RNF2: variants seen among roughly 807,000 people sequenced by gnomAD.
RNF2 encodes the protein E3 ubiquitin-protein ligase RING2.
RNF2 carries 6 observed loss-of-function variants against 37.2 expected under a neutral mutation model. The ratio of observed to expected loss-of-function variants is 0.16; its 90% CI spans 0.09 to 0.32. RNF2 has a LOEUF of 0.32. Among genes scored for constraint, RNF2 ranks in the 10% least tolerant of loss-of-function variants. The pLI is 1.00. For missense variants in RNF2, 251 were observed against 404.0 expected (o/e 0.62, Z 3.25); for synonymous variants, 133 against 132.7 (o/e 1.00, Z -0.02).
intron 1 of RNF2, among the ~76,000 whole-genome samples, chr1:185,085,229 A>G (rs1651551795): frequency 7.0e-6 from 1 of 142,868 alleles, no homozygotes; most frequent in African/African-American, 2.6e-5. Flanking sequence ...GCTCACTGCA[A>G]GCTCCGCCTC....
intron 1 of RNF2, among the ~76,000 whole-genome samples, chr1:185,077,528 T>C (rs1238618124): frequency 6.6e-6 from 1 of 152,182 alleles, no homozygotes; most frequent in Non-Finnish European, 1.5e-5. Context: ...ATAGTTTATT[T>C]ATTGGTACAG....
At chr1:185,075,380 T>G (rs1047450154) in intron 1 of RNF2, among the ~76,000 whole-genome samples, 1 of 152,252 alleles carries the variant, frequency 6.6e-6, no homozygotes, top group African/African-American at 2.4e-5. Context: ...ACATTCCTTA[T>G]GCGAAATACT....
intron 5 of RNF2, among the ~76,000 whole-genome samples, chr1:185,099,503 G>A (rs1049406073): frequency 6.6e-6 from 1 of 152,116 alleles, no homozygotes; most frequent in African/African-American, 2.4e-5. Context: ...AGTACTTTGT[G>A]TATTTCTGTT....
intron 1 of RNF2, among the ~76,000 whole-genome samples, chr1:185,073,882 G>A (rs1478707734): frequency 1.3e-5 from 2 of 152,124 alleles, no homozygotes; most frequent in Non-Finnish European, 1.5e-5. Flanking sequence ...CAGTTCAGTG[G>A]TTACGCTACT....
At chr1:185,077,819 A>C (rs866990462) in intron 1 of RNF2, among the ~76,000 whole-genome samples, 1 of 143,330 alleles carries the variant, frequency 7.0e-6, no homozygotes, top group Non-Finnish European at 1.5e-5. Context: ...TGCCTGATTC[A>C]TTGTTTTTTT....
chr1:185,054,375 G>A (rs1487867865), intron 1 of RNF2, among the ~76,000 whole-genome samples: 1 of 152,160 alleles, frequency 6.6e-6, no homozygotes, highest in Non-Finnish European at 1.5e-5. Flanking sequence ...CATCAGAAGC[G>A]ACTCCGGAGA....
chr1:185,069,456 TAAAAAA>T (rs768648029), intron 1 of RNF2, among the ~76,000 whole-genome samples: 1 of 94,176 alleles, frequency 1.1e-5, no homozygotes. Flanking sequence ...AGACCCTGTC[TAAAAAA>T]AAAAAAAAAA....
chr1:185,056,867 TGAA>T (rs1303716564), intron 1 of RNF2, among the ~76,000 whole-genome samples: 5 of 152,190 alleles, frequency 3.3e-5, no homozygotes, highest in South Asian at 2.1e-4. Context: ...TTTAGGAAAT[TGAA>T]GAAGTAGGAA....
chr1:185,089,064 G>GT (rs1436873275), intron 2 of RNF2, among the ~76,000 whole-genome samples: 1 of 145,338 alleles, frequency 6.9e-6, no homozygotes, highest in Non-Finnish European at 1.5e-5. Context: ...GGGTGGGTGG[G>GT]TGGGGGATGG....
At chr1:185,067,596 G>A (rs956178063) in intron 1 of RNF2, among the ~76,000 whole-genome samples, 3 of 151,912 alleles carry the variant, frequency 2.0e-5, no homozygotes, top group Admixed American at 1.3e-4. Flanking sequence ...TTAAAAGAGA[G>A]AGAAGGCATC....
intron 1 of RNF2, among the ~76,000 whole-genome samples, chr1:185,055,726 T>G (rs1650413275): frequency 6.6e-6 from 1 of 152,192 alleles, no homozygotes; most frequent in South Asian, 2.1e-4. Flanking sequence ...TGGCCTGTAG[T>G]TTCGTTTTAT....
At chr1:185,065,238 G>T (rs531456781) in intron 1 of RNF2, among the ~76,000 whole-genome samples, 1 of 152,202 alleles carries the variant, frequency 6.6e-6, no homozygotes, top group African/African-American at 2.4e-5. Flanking sequence ...TCAGTGCTCT[G>T]TGTCTAGCTA....
At chr1:185,069,751 C>G (rs375103044) in intron 1 of RNF2, among the ~76,000 whole-genome samples, 1 of 152,182 alleles carries the variant, frequency 6.6e-6, no homozygotes, top group Admixed American at 6.5e-5. Flanking sequence ...AAATAATTTG[C>G]TAATTTCTAA....
In RNF2 at chr1:185,100,298, A is replaced by G. The variant is rs1652041854; in HGVS notation, c.1008A>G (p.Lys336=). The change falls in exon 7 of 7, where the codon AAA becomes AAG. Residue 336 remains lysine, a synonymous_variant. Transcript: ENST00000367510. The stretch of plus-strand genomic sequence containing the variant: ...ATTACGCACCTACAAAGGAGCACAA[A>G]TGAGCCTTTAAAAACCAATTCTGAG... ...ELYYAPTKEH[K] is the part of the protein sequence containing the mutation. 5 of 1,602,022 alleles carry G rather than the reference A, an allele frequency of 3.1e-6. No homozygotes were observed. Among genetic ancestry groups the G allele is most frequent in the Non-Finnish European group, 4.3e-6 (5 of 1,175,688 alleles).
chr1:185,087,895 C>T (rs1557972287), intron 2 of RNF2, among the ~76,000 whole-genome samples: 1 of 152,142 alleles, frequency 6.6e-6, no homozygotes, highest in African/African-American at 2.4e-5. Context: ...ACTTTACAGA[C>T]ATTGAAAAAG....
chr1:185,084,807 A>G (rs916920993), intron 1 of RNF2, among the ~76,000 whole-genome samples: 3 of 151,986 alleles, frequency 2.0e-5, no homozygotes, highest in African/African-American at 7.3e-5. Context: ...TTTCACTTTG[A>G]TTCACAAGAG....
chr1:185,082,607 G>GCCCCA, intron 1 of RNF2, among the ~76,000 whole-genome samples: 2 of 151,618 alleles, frequency 1.3e-5, no homozygotes, highest in Admixed American at 6.6e-5. Flanking sequence ...TACCCTCCTT[G>GCCCCA]GCCTCCCAAA....
chr1:185,099,924 T>C lies in RNF2; in HGVS notation c.871T>C (p.Tyr291His). 1 of 1,613,358 alleles carries C rather than the reference T, an allele frequency of 6.2e-7. No homozygotes were observed. ...MNLDTASEKQ[Y>H]TIYIATASGQ... Reference sequence around the variant, plus strand: ...CCTTGATACAGCCAGTGAGAAGCAGTATACCATTTATATAGCAACAGCCAG... The same window carrying C: ...CCTTGATACAGCCAGTGAGAAGCAGCATACCATTTATATAGCAACAGCCAG... The change falls in exon 6 of 7, where the codon TAT (tyrosine) becomes CAT (histidine). Residue 291 changes from tyrosine (Y) to histidine (H), a missense_variant. Tyr to His is a moderately conservative substitution (Grantham distance 83). This residue lies in a region of RNF2 where 59 missense variants were observed against 69.1 expected (regional missense o/e 0.85). Coordinates refer to ENST00000367510, the MANE Select transcript of RNF2 (RefSeq NM_007212.4).
intron 2 of RNF2, among the ~76,000 whole-genome samples, chr1:185,089,170 G>A (rs927039602): frequency 3.3e-5 from 5 of 152,228 alleles, no homozygotes; most frequent in Admixed American, 2.0e-4. Flanking sequence ...TTCTCAATAG[G>A]GTTCGGACTC....
Sources: gnomAD v4.1 joint callset for allele counts (sites outside exome capture counted in the v4.1 genomes callset) on GRCh38, gnomAD v4.1.1 for gene constraint, gnomAD v4.1.1 regional missense constraint, MANE v1.5 for transcripts, NCBI Gene and HGNC (gene_info 2026-07-23, HGNC 2026-07-21) for gene names.